ZNF85: variants seen among roughly 807,000 people sequenced by gnomAD.
The protein encoded by ZNF85 is zinc finger protein 85 (HPF4, HTF1).
ZNF85 carries 50 observed loss-of-function variants against 53.9 expected under a neutral mutation model. That is an observed-to-expected ratio of 0.93 (90% CI 0.74 to 1.17). The LOEUF is 1.17. ZNF85 is among the 50% of genes most tolerant of loss of function. ZNF85 has a pLI of 0.00. For missense variants in ZNF85, 747 were observed against 688.5 expected (o/e 1.08, Z -0.95); for synonymous variants, 225 against 226.1 (o/e 1.00, Z 0.04).
At chr19:20,926,774 A>C (rs1345972752) in intron 1 of ZNF85, 1 of 152,178 alleles carries the variant, frequency 6.6e-6, no homozygotes, top group Non-Finnish European at 1.5e-5. Flanking sequence ...GGAGGGTCTC[A>C]CTGATGATAA....
rs774709579 is a variant in ZNF85, at chr19:20,949,546, T to TA, written c.1038dup (p.Cys347MetfsTer6). The TA allele has an allele frequency of 5.0e-6, 8 of 1,612,896 alleles. No homozygotes were observed. The highest frequency in any genetic ancestry group is 1.1e-5 in the South Asian group (1 of 91,004). On this transcript the variant is annotated frameshift_variant, in exon 4 of 4. Transcript: ENST00000328178. LOFTEE classifies it high-confidence loss of function. The stretch of plus-strand genomic sequence containing the variant: ...ATACTGGAGAGAAACCCTACAAATG[T>TA]AAAAAATGTGGAAAAGCCTTTAACC...
In ZNF85 at chr19:20,949,394, G is replaced by C. The variant is rs762178126; in HGVS notation, c.880G>C (p.Ala294Pro). 6.2e-7 allele frequency: 1 copy of C among 1,609,390 alleles called. No individual in the cohort carries two copies. The highest frequency in any genetic ancestry group is 1.3e-5 in the African/African-American group (1 of 74,874). ...KPYKCKECGK[A>P]FNRSSTLTTH... The stretch of plus-strand genomic sequence containing the variant: ...CTACAAATGTAAAGAATGTGGTAAA[G>C]CTTTTAACCGATCTTCAACCCTTAC... The change falls in exon 4 of 4, where the codon GCT (alanine) becomes CCT (proline). Residue 294 changes from alanine to proline, a missense_variant. Physicochemically the swap from Ala to Pro is conservative, Grantham distance 27. Coordinates refer to ENST00000328178, the MANE Select transcript of ZNF85 (RefSeq NM_003429.5).
chr19:20,931,670 C>T (rs1021171219), intron 1 of ZNF85, among the ~76,000 whole-genome samples: 8 of 135,434 alleles, frequency 5.9e-5, no homozygotes, highest in African/African-American at 2.3e-4. Context: ...TGCAGTGGTG[C>T]AATCTCGGCT....
At chr19:20,926,849 A>G (rs1008918202) in intron 1 of ZNF85, 2 of 142,204 alleles carry the variant, frequency 1.4e-5, no homozygotes, top group African/African-American at 5.3e-5. Flanking sequence ...GATTTGTGTA[A>G]AAAAAAAAAT....
intron 1 of ZNF85, among the ~76,000 whole-genome samples, chr19:20,925,995 G>T (rs34810037): frequency 0.2 from 29,915 of 152,130 alleles, 3,385 homozygotes; most frequent in Non-Finnish European, 0.25. Flanking sequence ...TCATTTACTT[G>T]TTCCTTTGTC....
intron 1 of ZNF85, among the ~76,000 whole-genome samples, chr19:20,925,339 C>T (rs1972855465): frequency 6.6e-6 from 1 of 151,866 alleles, no homozygotes; most frequent in Admixed American, 6.6e-5. Flanking sequence ...CACCTGTAAT[C>T]CCAGCTACTA....
At chr19:20,933,793 C>G (rs1708891945) in intron 1 of ZNF85, among the ~76,000 whole-genome samples, 2 of 151,836 alleles carry the variant, frequency 1.3e-5, no homozygotes, top group East Asian at 3.9e-4. Flanking sequence ...TTATGCCACT[C>G]TCTTTTCTTA....
chr19:20,931,252 A>G (rs530661812), intron 1 of ZNF85, among the ~76,000 whole-genome samples: 1 of 152,312 alleles, frequency 6.6e-6, no homozygotes, highest in East Asian at 1.9e-4. Context: ...GCAGAATCAT[A>G]TTACATAGAA....
In ZNF85 at chr19:20,946,570, G is replaced by GCACACACACACA. The variant is rs74172383; in HGVS notation, c.230-2162_230-2151dup. Among the ~76,000 whole-genome samples the GCACACACACACA allele has an allele frequency of 7.4e-3, 1,073 of 145,146 alleles. 15 individuals carry two copies. The highest frequency in any genetic ancestry group is 0.025 in the African/African-American group (1,006 of 39,940). On this transcript the variant is annotated intron_variant, in intron 3 of 3. Coordinates refer to ENST00000328178, the MANE Select transcript of ZNF85 (RefSeq NM_003429.5). ...GAACCTTAATGTGAGATATACACAT[G>GCACACACACACA]CACACACACACACACACACACACCC...
At chr19:20,927,528 G>T (rs1972908140) in intron 1 of ZNF85, 1 of 152,206 alleles carries the variant, frequency 6.6e-6, no homozygotes, top group East Asian at 1.9e-4. Flanking sequence ...GGAAGAAAAT[G>T]TGTACAGTAT....
intron 1 of ZNF85, 78 bp downstream of exon 1, chr19:20,923,481 A>T: frequency 6.2e-7 from 1 of 1,607,994 alleles, no homozygotes; most frequent in Non-Finnish European, 8.5e-7. Context: ...GGCGGGACTC[A>T]GGCCTCCCTG....
intron 2 of ZNF85, 142 bp from the exon 3 acceptor site, chr19:20,934,807 C>G (rs1397412192): frequency 2.7e-6 from 1 of 364,766 alleles, no homozygotes; most frequent in Admixed American, 4.6e-5. Context: ...AAAGAACCTA[C>G]AAATCAAAAA....
Position 20,950,146 on chromosome 19 carries a change from C to A in ZNF85, c.1632C>A (p.Gly544=). 1.2e-6 allele frequency: 2 copies of A among 1,613,528 alleles called. No homozygotes were observed. Among genetic ancestry groups the A allele is most frequent in the South Asian group, 1.1e-5 (1 of 91,066 alleles). ...AACCCTACACATGTGAAGAATGTGG[C>A]AAAGCCTTTAACCAGTCCTCAAACC... The part of the protein sequence containing the change: ...GEKPYTCEEC[G]KAFNQSSNLT... Residue 544 remains glycine, a synonymous_variant, in exon 4 of 4, where the codon GGC becomes GGA. Transcript: ENST00000328178.
intron 1 of ZNF85, among the ~76,000 whole-genome samples, chr19:20,925,417 A>G (rs1972857427): frequency 6.7e-6 from 1 of 150,126 alleles, no homozygotes; most frequent in African/African-American, 2.5e-5. Context: ...AGGTCATGCC[A>G]CTGCACTCTA....
At chr19:20,943,157 G>A (rs1973339131) in intron 3 of ZNF85, 4 of 307,298 alleles carry the variant, frequency 1.3e-5, no homozygotes, top group South Asian at 1.5e-4. Context: ...GTATTCTCTT[G>A]CTTTTGACTG....
chr19:20,924,522 A>G (rs879746882), intron 1 of ZNF85, among the ~76,000 whole-genome samples: 3 of 152,126 alleles, frequency 2.0e-5, no homozygotes, highest in Admixed American at 6.5e-5. Flanking sequence ...CATTTTTCAC[A>G]TATGTCTCAA....
chr19:20,932,549 G>T (rs1193816608), intron 1 of ZNF85, among the ~76,000 whole-genome samples: 1 of 152,070 alleles, frequency 6.6e-6, no homozygotes, highest in Non-Finnish European at 1.5e-5. Flanking sequence ...TTCTATTGGG[G>T]GAAAGCTGGA....
chr19:20,940,537 C>A (rs1270352720), intron 3 of ZNF85, among the ~76,000 whole-genome samples: 4 of 148,416 alleles, frequency 2.7e-5, no homozygotes, highest in African/African-American at 5.0e-5. Context: ...ACCCTGTCTC[C>A]AAAAAAAAAA....
chr19:20,930,142 A>AG (rs1555793058), intron 1 of ZNF85, among the ~76,000 whole-genome samples: 1,800 of 144,948 alleles, frequency 0.012, 24 homozygotes, highest in Non-Finnish European at 0.022. Context: ...AAAAAAAAAA[A>AG]GAAATCAGAG....
Sources: gnomAD v4.1 joint callset for allele counts (sites outside exome capture counted in the v4.1 genomes callset) on GRCh38, gnomAD v4.1.1 for gene constraint, MANE v1.5 for transcripts, NCBI Gene and HGNC (gene_info 2026-07-23, HGNC 2026-07-21) for gene names.